KCND3: variants seen among roughly 807,000 people sequenced by gnomAD.
KCND3 encodes the protein potassium voltage-gated channel subfamily D member 3.
A neutral mutation model predicts 51.1 loss-of-function variants in KCND3; 9 were observed. The ratio of observed to expected loss-of-function variants is 0.18; its 90% CI spans 0.11 to 0.31. KCND3 has a LOEUF of 0.31. Among genes scored for constraint, KCND3 ranks in the 10% least tolerant of loss-of-function variants. The pLI is 1.00. For missense variants in KCND3, 526 were observed against 903.8 expected (o/e 0.58, Z 5.36); for synonymous variants, 349 against 368.0 (o/e 0.95, Z 0.59).
chr1:111,964,931 C>T (rs903046874), intron 2 of KCND3, among the ~76,000 whole-genome samples: 4 of 152,270 alleles, frequency 2.6e-5, no homozygotes, highest in African/African-American at 9.6e-5. Context: ...AGTGACCACA[C>T]CTGGCAAGCT....
At chr1:111,847,690 A>G (rs1667618558) in intron 2 of KCND3, among the ~76,000 whole-genome samples, 1 of 152,214 alleles carries the variant, frequency 6.6e-6, no homozygotes, top group Admixed American at 6.5e-5. Flanking sequence ...ATTATCCTTA[A>G]TCAATACAGG....
At chr1:111,955,275 GT>G (rs1308794323) in intron 2 of KCND3, among the ~76,000 whole-genome samples, 1 of 152,098 alleles carries the variant, frequency 6.6e-6, no homozygotes. Context: ...TTAGCCAGGT[GT>G]GGTGGCACAT....
intron 2 of KCND3, among the ~76,000 whole-genome samples, chr1:111,830,208 CAAAT>C (rs1347251004): frequency 1.3e-5 from 2 of 152,200 alleles, no homozygotes; most frequent in East Asian, 1.9e-4. Context: ...AATTAACAAA[CAAAT>C]GAATGAATCT....
At chr1:111,848,321 C>T (rs1667656700) in intron 2 of KCND3, among the ~76,000 whole-genome samples, 1 of 152,170 alleles carries the variant, frequency 6.6e-6, no homozygotes, top group Admixed American at 6.5e-5. Flanking sequence ...ACCCTGGGAC[C>T]CCAGAGGGGT....
In KCND3 at chr1:111,915,752, C is replaced by CAAAAAA. The variant is rs35574221; in HGVS notation, c.1106+65863_1106+65868dup. ...TGGGTGACAAAGTGAGACTCTGTCT[C>CAAAAAA]AAAAAAAAAAAAACAAAAAAAAAAA... On this transcript the variant is annotated intron_variant, in intron 2 of 7. Transcript: ENST00000302127. 1.3e-4 allele frequency among the ~76,000 whole-genome samples: 9 copies of CAAAAAA among 67,326 alleles called. 2 individuals are homozygous for CAAAAAA. The highest frequency in any genetic ancestry group is 2.5e-4 in the Non-Finnish European group (9 of 36,298). 44.2% of individuals were successfully genotyped at this position (67,326 alleles called of 152,430 possible). A position where few individuals can be genotyped will look rare whatever the true frequency, so the allele number is the denominator to read the frequency against.
Position 111,949,198 on chromosome 1 carries a change from C to T in KCND3, c.1106+32423G>A, listed in dbSNP as rs564106645. Reference sequence around the variant, plus strand: ...TAGGATGATAGTTCTGACTGTGTCACTCACAGCAAAGTGAGCCTGGGCCTT... The same window carrying T: ...TAGGATGATAGTTCTGACTGTGTCATTCACAGCAAAGTGAGCCTGGGCCTT... On this transcript the variant is annotated intron_variant, in intron 2 of 7. Transcript: ENST00000302127. Among the ~76,000 whole-genome samples the T allele has an allele frequency of 2.8e-4, 42 of 152,376 alleles. 1 individual carries two copies. The South Asian group carries it at 8.5e-3, about 31-fold the overall frequency.
In KCND3 at chr1:111,981,469, T is replaced by C. The variant is rs965514073; in HGVS notation, c.1106+152A>G. On this transcript the variant is annotated intron_variant, in intron 2 of 7. Coordinates refer to ENST00000302127, the MANE Select transcript of KCND3 (RefSeq NM_001378969.1). This position sits in a 1 kb window ranked among gnomAD's most constrained non-coding sequence, Gnocchi z 6.2. Reference sequence around the variant, plus strand: ...CCCCCAAACAGATGACTCATGGGCTTTACCCTTCGGATAGAGCAACTTCCC... The same window carrying C: ...CCCCCAAACAGATGACTCATGGGCTCTACCCTTCGGATAGAGCAACTTCCC... The C allele has an allele frequency of 1.8e-6, 2 of 1,106,606 alleles. No individual in the cohort carries two copies. Among genetic ancestry groups the C allele is most frequent in the Non-Finnish European group, 2.7e-6 (2 of 750,854 alleles). 68.5% of individuals were successfully genotyped at this position (1,106,606 alleles called of 1,614,324 possible).
chr1:111,944,932 A>G (rs1672707014), intron 2 of KCND3, among the ~76,000 whole-genome samples: 1 of 152,150 alleles, frequency 6.6e-6, no homozygotes, highest in Non-Finnish European at 1.5e-5. Context: ...TGTGCTGCCA[A>G]TTGTCTGCCT....
intron 2 of KCND3, among the ~76,000 whole-genome samples, chr1:111,844,044 T>C (rs951682723): frequency 4.6e-5 from 7 of 152,134 alleles, no homozygotes; most frequent in Non-Finnish European, 1.0e-4. Context: ...TGAACACCTC[T>C]TGGAGAGAGG....
intron 2 of KCND3, among the ~76,000 whole-genome samples, chr1:111,866,419 C>A (rs1298575356): frequency 1.3e-5 from 2 of 151,926 alleles, no homozygotes; most frequent in Non-Finnish European, 2.9e-5. Context: ...AGTGCGCCAC[C>A]ATGCCCAGTC....
rs1359563719 is a variant in KCND3 at position 111,780,340 on chromosome 1, G to T, written c.1372-26C>A. The T allele has an allele frequency of 6.5e-7, 1 of 1,547,434 alleles. No homozygotes were observed. The highest frequency in any genetic ancestry group is 2.4e-5 in the East Asian group (1 of 41,248). On this transcript the variant is annotated intron_variant, in intron 4 of 7. Transcript: ENST00000302127. The surrounding 1 kb of genome is among the most constrained non-coding windows in gnomAD (Gnocchi z 4.2). Reference sequence around the variant, plus strand: ...CTAGTAAAAAAAGAAGAGAGATTGAGTAAAAAGCTGGTGGCTCTTCCCCTC... The same window carrying T: ...CTAGTAAAAAAAGAAGAGAGATTGATTAAAAAGCTGGTGGCTCTTCCCCTC...
intron 2 of KCND3, among the ~76,000 whole-genome samples, chr1:111,964,100 A>G (rs1673828252): frequency 6.6e-6 from 1 of 152,172 alleles, no homozygotes; most frequent in Non-Finnish European, 1.5e-5. Context: ...GGAGGGAAAC[A>G]GGCACTTACA....
At chr1:111,848,308 C>T (rs1224408936) in intron 2 of KCND3, among the ~76,000 whole-genome samples, 1 of 152,156 alleles carries the variant, frequency 6.6e-6, no homozygotes, top group Non-Finnish European at 1.5e-5. Flanking sequence ...TGCTGAGTTC[C>T]TGACCCTGGG....
intron 2 of KCND3, among the ~76,000 whole-genome samples, chr1:111,860,740 G>A (rs1668302663): frequency 6.6e-6 from 1 of 152,204 alleles, no homozygotes; most frequent in Non-Finnish European, 1.5e-5. Context: ...TGACAAGTGA[G>A]CTCTCCTCTC....
intron 2 of KCND3, among the ~76,000 whole-genome samples, chr1:111,835,988 T>G (rs1457101325): frequency 6.6e-6 from 1 of 152,242 alleles, no homozygotes; most frequent in Non-Finnish European, 1.5e-5. Flanking sequence ...GATCATCTAG[T>G]GTACCTGCAG....
At chr1:111,947,337 T>A (rs9429615) in intron 2 of KCND3, among the ~76,000 whole-genome samples, 55,211 of 152,124 alleles carry the variant, frequency 0.36, 10,865 homozygotes, top group African/African-American at 0.45. Context: ...TAACAGTGAG[T>A]AAAACAAGGT....
intron 2 of KCND3, among the ~76,000 whole-genome samples, chr1:111,832,251 T>G (rs1666866162): frequency 6.6e-6 from 1 of 152,212 alleles, no homozygotes; most frequent in Admixed American, 6.5e-5. Context: ...GTCCCAAGCA[T>G]GTGCATGTAA....
intron 3 of KCND3, among the ~76,000 whole-genome samples, chr1:111,783,658 T>G (rs1168505816): frequency 6.6e-6 from 1 of 152,216 alleles, no homozygotes; most frequent in East Asian, 1.9e-4. Flanking sequence ...GGAAATTGCA[T>G]TCTGGGACAT....
At chr1:111,979,436 A>G (rs910954907) in intron 2 of KCND3, among the ~76,000 whole-genome samples, 10 of 152,244 alleles carry the variant, frequency 6.6e-5, no homozygotes, top group Admixed American at 6.5e-4. Flanking sequence ...AGTGCCTGGC[A>G]TATAGTACTC....
Sources: allele counts gnomAD v4.1 joint callset (sites outside exome capture counted in the v4.1 genomes callset), GRCh38; gene constraint gnomAD v4.1.1; non-coding constraint Gnocchi (gnomAD v3.1); transcripts MANE v1.5; gene names NCBI Gene and HGNC (gene_info 2026-07-23, HGNC 2026-07-21).